IBTK: variants seen among roughly 807,000 people sequenced by gnomAD.
IBTK encodes BTK-binding protein.
IBTK carries 83 observed loss-of-function variants against 154.9 expected under a neutral mutation model. The ratio of observed to expected loss-of-function variants is 0.54; its 90% CI spans 0.45 to 0.64. The LOEUF is 0.64. Among genes scored for constraint, IBTK ranks in the 30% least tolerant of loss-of-function variants. The pLI, the probability that IBTK is intolerant of heterozygous loss-of-function variation, is 0.00. For synonymous variants in IBTK, 515 were observed against 536.1 expected (o/e 0.96, Z 0.54); for missense variants, 1,332 against 1,584.6 (o/e 0.84, Z 2.71).
intron 7 of IBTK, 107 bp from the exon 8 acceptor site, chr6:82,223,727 G>GT (rs1770185380): frequency 1.1e-6 from 1 of 888,630 alleles, no homozygotes; most frequent in Non-Finnish European, 1.7e-6. Flanking sequence ...GGGAGGCCAA[G>GT]GTGGGCAGAT....
chr6:82,239,727 A>G (rs1770869268), intron 2 of IBTK, among the ~76,000 whole-genome samples: 1 of 150,366 alleles, frequency 6.7e-6, no homozygotes, highest in East Asian at 1.9e-4. Flanking sequence ...ATCGGCCTAT[A>G]AAAGCTCACT....
At chr6:82,173,572 C>A (rs1343362364) in intron 26 of IBTK, 134 bp from the exon 27 acceptor site, 2 of 537,238 alleles carry the variant, frequency 3.7e-6, no homozygotes, top group African/African-American at 1.9e-5. Flanking sequence ...TCAAGCTTAC[C>A]TTTAAAATTA....
chr6:82,196,230 A>G, intron 22 of IBTK, 68 bp downstream of exon 22: 1 of 1,252,244 alleles, frequency 8.0e-7, no homozygotes, highest in East Asian at 2.5e-5. Context: ...AAATAAGGAA[A>G]TATTAAAGAT....
chr6:82,222,894 T>C (rs1770149474), intron 8 of IBTK, among the ~76,000 whole-genome samples: 1 of 149,282 alleles, frequency 6.7e-6, no homozygotes, highest in Non-Finnish European at 1.5e-5. Flanking sequence ...CAAGAACCTG[T>C]CTCAATTAAA....
At chr6:82,214,110 C>T (rs986015979) in intron 12 of IBTK, 117 bp downstream of exon 12, 5 of 997,752 alleles carry the variant, frequency 5.0e-6, no homozygotes, top group South Asian at 3.5e-5. Flanking sequence ...CGCCCGCCAC[C>T]ACACCCGGCT....
At chr6:82,212,852 C>T in intron 12 of IBTK, 59 bp from the exon 13 acceptor site, 1 of 962,954 alleles carries the variant, frequency 1.0e-6, no homozygotes, top group Non-Finnish European at 1.7e-6. Flanking sequence ...AAACATACAA[C>T]AAAAAATCCA....
intron 17 of IBTK, among the ~76,000 whole-genome samples, chr6:82,203,194 T>G (rs948783079): frequency 1.3e-5 from 2 of 152,132 alleles, no homozygotes; most frequent in Non-Finnish European, 2.9e-5. Flanking sequence ...CTTATCATAA[T>G]ATTCTTCACA....
At chr6:82,210,092 C>G (rs539285250) in intron 16 of IBTK, among the ~76,000 whole-genome samples, 1 of 152,240 alleles carries the variant, frequency 6.6e-6, no homozygotes, top group Admixed American at 6.5e-5. Context: ...TATCTTGTAA[C>G]TAAAAGTTAC....
At chr6:82,195,469 T>C (rs539877215) in intron 22 of IBTK, among the ~76,000 whole-genome samples, 224 of 151,978 alleles carry the variant, frequency 1.5e-3, no homozygotes, top group African/African-American at 5.4e-3. Context: ...TCCCAGTTAC[T>C]CTGCCGGCTT....
At chr6:82,203,449 G>A (rs534625448) in intron 17 of IBTK, among the ~76,000 whole-genome samples, 1 of 152,108 alleles carries the variant, frequency 6.6e-6, no homozygotes, top group East Asian at 1.9e-4. Context: ...TCTCACCTGT[G>A]ATTCTATCAA....
At position 82,200,663 on chromosome 6, in the gene IBTK, G is replaced by A. The variant is rs1769169025; in HGVS notation, c.2836C>T (p.Pro946Ser). 1 of 1,597,896 alleles carries A rather than the reference G, an allele frequency of 6.3e-7. No homozygotes were observed. Among genetic ancestry groups the A allele is most frequent in the Middle Eastern group, 1.7e-4 (1 of 5,984 alleles). The change falls in exon 20 of 29, where the codon CCA (proline) becomes TCA (serine). Residue 946 changes from proline to serine, a missense_variant. By Grantham distance (74) the Pro-to-Ser change is moderately conservative. This residue lies in a region of IBTK where 1,134 missense variants were observed against 1,274.7 expected (regional missense o/e 0.89). Transcript: ENST00000306270. ...RRVITPYQDG[P>S]DISYLEVEDG... ...TCTACTTCCAAATAGCTAATATCTG[G>A]TCCATCTTGATATGGTGTAATGACT...
rs745353043 is a variant in IBTK at position 82,214,586 on chromosome 6, G to A, written c.1845C>T (p.Cys615=). ...GAACCTTCTCTACCACAAAGAGATG[G>A]CACCCTGCAGAATCTTCATCTTTCT... is the stretch of plus-strand genomic sequence containing the variant. ...IYQKDEDSAG[C]HLFVVEKVHP... Residue 615 remains cysteine (C), a synonymous_variant, in exon 12 of 29, where the codon TGC becomes TGT. Coordinates refer to ENST00000306270, the MANE Select transcript of IBTK (RefSeq NM_015525.4). 6.2e-7 allele frequency: 1 copy of A among 1,613,980 alleles called. No homozygotes were observed. Among genetic ancestry groups the A allele is most frequent in the South Asian group, 1.1e-5 (1 of 91,072 alleles).
In IBTK at chr6:82,191,235, A is replaced by C; in HGVS notation, c.3432-19T>G. The C allele has an allele frequency of 1.3e-6, 2 of 1,590,076 alleles. No homozygotes were observed. The stretch of plus-strand genomic sequence containing the variant: ...TGTTTTGCTAGAAATTAAACCAATT[A>C]GTTTCAGTGGTTTCTTCTGACAAAG... On this transcript the variant is annotated intron_variant, in intron 24 of 28. Transcript: ENST00000306270.
intron 26 of IBTK, among the ~76,000 whole-genome samples, chr6:82,176,372 T>A (rs1768115662): frequency 6.6e-6 from 1 of 151,656 alleles, no homozygotes; most frequent in Non-Finnish European, 1.5e-5. Flanking sequence ...AATATAAAAA[T>A]CAGCCAGGCA....
At chr6:82,224,941 A>T (rs1770237757) in intron 6 of IBTK, among the ~76,000 whole-genome samples, 1 of 152,160 alleles carries the variant, frequency 6.6e-6, no homozygotes, top group South Asian at 2.1e-4. Flanking sequence ...AGAATTTCCC[A>T]AGTGCTTTCT....
chr6:82,173,194 G>GT (rs1767992709), intron 27 of IBTK, 173 bp downstream of exon 27: 2 of 440,516 alleles, frequency 4.5e-6, no homozygotes, highest in South Asian at 1.1e-4. Flanking sequence ...TAAAGACAGG[G>GT]TTTTGCCATG....
chr6:82,225,511 A>G lies in IBTK; in HGVS notation c.791T>C (p.Ile264Thr). The change falls in exon 6 of 29, where the codon ATT (isoleucine) becomes ACT (threonine). Residue 264 changes from isoleucine (I) to threonine (T), a missense_variant. Ile to Thr is a moderately conservative substitution (Grantham distance 89, BLOSUM62 -1). This residue lies in a region of IBTK where 1,134 missense variants were observed against 1,274.7 expected (regional missense o/e 0.89). Coordinates refer to ENST00000306270, the MANE Select transcript of IBTK (RefSeq NM_015525.4). ...GLNIFHQLGIIPPPSSCNVPR... is the reference protein window; with the variant it reads ...GLNIFHQLGITPPPSSCNVPR... The stretch of plus-strand genomic sequence containing the variant: ...TACATTACAACTGGAAGGCGGTGGA[A>G]TAATTCCTAATTGATGAAAAATGTT... The G allele has an allele frequency of 6.2e-7, 1 of 1,613,116 alleles. No individual in the cohort carries two copies. The highest frequency in any genetic ancestry group is 8.5e-7 in the Non-Finnish European group (1 of 1,179,558).
At chr6:82,188,999 A>C in intron 25 of IBTK, 1 of 443,594 alleles carries the variant, frequency 2.3e-6, no homozygotes, top group Non-Finnish European at 4.5e-6. Flanking sequence ...CACTGCACTC[A>C]AACCTGAACA....
intron 2 of IBTK, among the ~76,000 whole-genome samples, chr6:82,237,293 T>A (rs532389297): frequency 6.6e-6 from 1 of 150,980 alleles, no homozygotes; most frequent in Non-Finnish European, 1.5e-5. Flanking sequence ...AGGGTAAGAA[T>A]GGAGCTGAGA....
Sources: gnomAD v4.1 joint callset for allele counts (sites outside exome capture counted in the v4.1 genomes callset) on GRCh38, gnomAD v4.1.1 for gene constraint, gnomAD v4.1.1 regional missense constraint, MANE v1.5 for transcripts, NCBI Gene and HGNC (gene_info 2026-07-23, HGNC 2026-07-21) for gene names.